SYNRG: variants seen among roughly 807,000 people sequenced by gnomAD.
The protein encoded by SYNRG is synergin gamma.
SYNRG carries 37 observed loss-of-function variants against 130.9 expected under a neutral mutation model. The observed-to-expected ratio is 0.28, with a 90% CI of 0.22 to 0.37. The LOEUF (loss-of-function observed/expected upper bound fraction) is 0.37. Ranked by LOEUF, SYNRG falls within the 10% of genes least tolerant of loss-of-function variation. The pLI, the probability that SYNRG is intolerant of heterozygous loss-of-function variation, is 1.00. For missense variants in SYNRG, 1,338 were observed against 1,588.9 expected, an observed-to-expected ratio of 0.84 and a Z score of 2.68; for synonymous variants, 539 against 568.1, an observed-to-expected ratio of 0.95 and a Z score of 0.73.
At position 37,596,155 on chromosome 17, in the gene SYNRG, T is replaced by C. The variant is rs1568528896; in HGVS notation, c.240+68A>G. On this transcript the variant is annotated intron_variant, in intron 3 of 21. Coordinates refer to ENST00000612223, the MANE Select transcript of SYNRG (RefSeq NM_007247.6). ...ATTGTAACATTAAGCTCTTAGCCTG[T>C]AGCTCTTGATATATAAACGTAACAA... is the stretch of plus-strand genomic sequence containing the variant. 1.9e-5 allele frequency: 29 copies of C among 1,546,104 alleles called. No homozygotes were observed. In the East Asian group the frequency reaches 6.1e-4, roughly 32 times the overall value.
rs772380546 is a variant in SYNRG, at chr17:37,609,375, T to G, written c.-20A>C. ...CGCCATCTTGCTCCCGACCTGCCGC[T>G]GCCTTCGCCGCCGCCACCTTATCAG... On this transcript the variant is annotated 5_prime_UTR_variant, in exon 1 of 22. Coordinates refer to ENST00000612223, the MANE Select transcript of SYNRG (RefSeq NM_007247.6). The G allele has an allele frequency of 1.3e-5, 19 of 1,411,266 alleles. No homozygotes were observed. The East Asian group carries it at 3.9e-4, about 29-fold the overall frequency. The allele number at this position is 1,411,266 out of a possible 1,614,324, so 87.4% of individuals were successfully genotyped here.
chr17:37,529,874 CT>C, intron 19 of SYNRG: 2 of 1,550,334 alleles, frequency 1.3e-6, no homozygotes, highest in East Asian at 4.9e-5. Flanking sequence ...AGATGGGTGG[CT>C]GATTTGGGGG....
intron 9 of SYNRG, among the ~76,000 whole-genome samples, chr17:37,571,102 A>T (rs1239325226): frequency 6.6e-6 from 1 of 152,220 alleles, no homozygotes; most frequent in East Asian, 1.9e-4. Flanking sequence ...TGACATTTTC[A>T]CTTTCTGACA....
intron 11 of SYNRG, among the ~76,000 whole-genome samples, chr17:37,562,303 CGTGCTG>C (rs1455598081): frequency 6.6e-6 from 1 of 152,202 alleles, no homozygotes; most frequent in African/African-American, 2.4e-5. Context: ...GGACATATTT[CGTGCTG>C]GATGGAAAAA....
At chr17:37,527,980 G>C (rs532422948) in intron 19 of SYNRG, among the ~76,000 whole-genome samples, 2 of 152,202 alleles carry the variant, frequency 1.3e-5, no homozygotes, top group Non-Finnish European at 2.9e-5. Context: ...TGATGCAGCT[G>C]TCTTCCGATA....
chr17:37,594,937 C>G (rs887721827), intron 3 of SYNRG, among the ~76,000 whole-genome samples: 6 of 152,138 alleles, frequency 3.9e-5, no homozygotes, highest in African/African-American at 1.2e-4. Flanking sequence ...ATCTCTTTTT[C>G]CTATGCCAAG....
Position 37,587,768 on chromosome 17 carries a change from C to A in SYNRG, c.241-1219G>T, listed in dbSNP as rs116717214. Among the ~76,000 whole-genome samples, 417 of 152,300 alleles carry A rather than the reference C, an allele frequency of 2.7e-3. 2 individuals are homozygous for A. The highest frequency in any genetic ancestry group is 9.7e-3 in the African/African-American group (402 of 41,560). On this transcript the variant is annotated intron_variant, in intron 3 of 21. Transcript: ENST00000612223. The stretch of plus-strand genomic sequence containing the variant: ...GTGTGGTCTTCCAGGTCTTTAGCCT[C>A]CTCATCACAATCATGCCCAACATAC...
At chr17:37,599,280 C>T (rs2063054904) in intron 2 of SYNRG, among the ~76,000 whole-genome samples, 1 of 152,226 alleles carries the variant, frequency 6.6e-6, no homozygotes, top group Admixed American at 6.5e-5. Context: ...TCCTTCTTCA[C>T]TGTTGTGTCC....
At chr17:37,535,862 C>T (rs2057138058) in intron 19 of SYNRG, 117 bp downstream of exon 19, 5 of 1,369,934 alleles carry the variant, frequency 3.6e-6, no homozygotes, top group Non-Finnish European at 5.1e-6. Context: ...TTTAATATAA[C>T]ATGCTCCAGT....
intron 3 of SYNRG, among the ~76,000 whole-genome samples, chr17:37,586,875 T>C (rs1020551703): frequency 2.0e-5 from 3 of 152,186 alleles, no homozygotes; most frequent in African/African-American, 4.8e-5. Flanking sequence ...GTGAGCTCAC[T>C]AATCCTCTTT....
intron 16 of SYNRG, 30 bp from the exon 17 acceptor site, chr17:37,539,275 A>C (rs2057503734): frequency 6.2e-7 from 1 of 1,610,208 alleles, no homozygotes; most frequent in African/African-American, 1.3e-5. Context: ...AACTGGGTTA[A>C]ACACACAAAC....
At chr17:37,536,990 G>A (rs1251533332) in intron 18 of SYNRG, 7 of 152,246 alleles carry the variant, frequency 4.6e-5, no homozygotes, top group Non-Finnish European at 8.8e-5. Flanking sequence ...TTTCCCAAGA[G>A]AGGGGCAGAA....
At chr17:37,607,500 T>C (rs1304886583) in intron 1 of SYNRG, among the ~76,000 whole-genome samples, 1 of 152,108 alleles carries the variant, frequency 6.6e-6, no homozygotes, top group Non-Finnish European at 1.5e-5. Flanking sequence ...AGGAAATAAA[T>C]AGAGGATGCC....
At chr17:37,527,764 C>A (rs1203816311) in intron 19 of SYNRG, among the ~76,000 whole-genome samples, 1 of 152,072 alleles carries the variant, frequency 6.6e-6, no homozygotes, top group Non-Finnish European at 1.5e-5. Context: ...GGAACTCGAA[C>A]GTCTGCAGAT....
chr17:37,590,718 C>T (rs367644286), intron 3 of SYNRG, among the ~76,000 whole-genome samples: 2 of 152,046 alleles, frequency 1.3e-5, no homozygotes, highest in African/African-American at 2.4e-5. Flanking sequence ...GTCAGGAGTT[C>T]GAGACCAGCC....
Position 37,568,926 on chromosome 17 carries a change from T to G in SYNRG, c.1348-2A>C. The G allele has an allele frequency of 6.2e-7, 1 of 1,611,958 alleles. No homozygotes were observed. The highest frequency in any genetic ancestry group is 8.5e-7 in the Non-Finnish European group (1 of 1,179,156). ...GTCATCTTCTTCTGGCTTTACTACCTAGGTTTATAAAGGTCATTTAAATAA... is the reference window on the plus strand; with the variant it reads ...GTCATCTTCTTCTGGCTTTACTACCGAGGTTTATAAAGGTCATTTAAATAA... On this transcript the variant is annotated splice_acceptor_variant, in intron 10 of 21. Coordinates refer to ENST00000612223, the MANE Select transcript of SYNRG (RefSeq NM_007247.6). LOFTEE classifies it high-confidence loss of function.
At chr17:37,573,761 G>C (rs1598434981) in intron 8 of SYNRG, among the ~76,000 whole-genome samples, 1 of 152,100 alleles carries the variant, frequency 6.6e-6, no homozygotes, top group Non-Finnish European at 1.5e-5. Flanking sequence ...AAAAAATAGA[G>C]AAATATTCCA....
chr17:37,526,512 T>G (rs772173778), intron 19 of SYNRG, among the ~76,000 whole-genome samples: 1 of 152,198 alleles, frequency 6.6e-6, no homozygotes, highest in South Asian at 2.1e-4. Flanking sequence ...AGCACAAACT[T>G]AATGGCTTAA....
intron 17 of SYNRG, 28 bp from the exon 18 acceptor site, chr17:37,538,448 A>T (rs2057410458): frequency 6.7e-7 from 1 of 1,501,406 alleles, no homozygotes; most frequent in South Asian, 1.2e-5. Context: ...ACATCACCTT[A>T]CATAACTGAG....
Sources: allele counts gnomAD v4.1 joint callset (sites outside exome capture counted in the v4.1 genomes callset), GRCh38; gene constraint gnomAD v4.1.1; transcripts MANE v1.5; gene names NCBI Gene and HGNC (gene_info 2026-07-23, HGNC 2026-07-21).